TMEM117: variants seen among roughly 807,000 people sequenced by gnomAD.
TMEM117 encodes the protein transmembrane protein 117.
In TMEM117, 27 loss-of-function variants were observed where a neutral mutation model predicts 52.4. The ratio of observed to expected loss-of-function variants is 0.51; its 90% CI spans 0.38 to 0.71. TMEM117 has a LOEUF of 0.71. Ranked by LOEUF, TMEM117 falls within the 30% of genes least tolerant of loss-of-function variation. The pLI is 0.00. For synonymous variants in TMEM117, 215 were observed against 206.3 expected, an observed-to-expected ratio of 1.04 and a Z score of -0.36; for missense variants, 556 against 630.5, an observed-to-expected ratio of 0.88 and a Z score of 1.26.
At chr12:43,829,598 A>G in the TMEM117 span, among the ~76,000 whole-genome samples, 1 of 152,218 alleles carries the variant, frequency 6.6e-6, no homozygotes, top group Non-Finnish European at 1.5e-5. Context: ...AAAAGTTTTG[A>G]AGAAAGAAAA....
At chr12:44,311,759 A>ATATATATATG in intron 6 of TMEM117, among the ~76,000 whole-genome samples, 1 of 116,542 alleles carries the variant, frequency 8.6e-6, no homozygotes, top group East Asian at 2.0e-4. Context: ...GTATATATGT[A>ATATATATATG]TATATATATG....
chr12:44,129,795 A>C (rs1948385803), intron 3 of TMEM117, among the ~76,000 whole-genome samples: 1 of 152,230 alleles, frequency 6.6e-6, no homozygotes, highest in Non-Finnish European at 1.5e-5. Flanking sequence ...CAACTTATGG[A>C]AGAAACTGAA....
At chr12:43,874,758 T>C (rs1478870096) in intron 2 of TMEM117, among the ~76,000 whole-genome samples, 5 of 152,232 alleles carry the variant, frequency 3.3e-5, no homozygotes, top group Admixed American at 2.6e-4. Flanking sequence ...CCTTTGTCAG[T>C]ATAGCACAGA....
Position 44,388,213 on chromosome 12 carries a change from G to A in TMEM117, c.1086G>A (p.Arg362=), listed in dbSNP as rs746036224. 6.2e-7 allele frequency: 1 copy of A among 1,613,466 alleles called. No individual in the cohort carries two copies. Among genetic ancestry groups the A allele is most frequent in the Non-Finnish European group, 8.5e-7 (1 of 1,179,618 alleles). Residue 362 remains arginine, a synonymous_variant, in exon 8 of 8, where the codon AGG becomes AGA. Coordinates refer to ENST00000266534, the MANE Select transcript of TMEM117 (RefSeq NM_032256.3). ...GAACCAAGCTATCCTGGGAATGGAGGTCCAATCACACTAACCCTCGGACTA... is the reference window on the plus strand; with the variant it reads ...GAACCAAGCTATCCTGGGAATGGAGATCCAATCACACTAACCCTCGGACTA... ...LNRTKLSWEW[R]SNHTNPRTNK... is the part of the protein sequence containing the mutation.
intron 3 of TMEM117, among the ~76,000 whole-genome samples, chr12:44,010,514 A>G (rs916230857): frequency 6.6e-6 from 1 of 151,418 alleles, no homozygotes; most frequent in Non-Finnish European, 1.5e-5. Context: ...CAGATTCACT[A>G]TTCCTCGGTC....
intron 3 of TMEM117, among the ~76,000 whole-genome samples, chr12:43,987,224 A>G (rs1592417505): frequency 6.6e-6 from 1 of 152,306 alleles, no homozygotes; most frequent in South Asian, 2.1e-4. Flanking sequence ...TCTGCCAGTC[A>G]AGGAGAGAGC....
At chr12:43,857,669 G>A (rs577670065) in intron 2 of TMEM117, among the ~76,000 whole-genome samples, 1 of 152,298 alleles carries the variant, frequency 6.6e-6, no homozygotes, top group East Asian at 1.9e-4. Flanking sequence ...AAATAAAGGG[G>A]TAATCAGTCC....
chr12:44,071,250 G>A (rs1484316187), intron 3 of TMEM117, among the ~76,000 whole-genome samples: 1 of 152,108 alleles, frequency 6.6e-6, no homozygotes, highest in Non-Finnish European at 1.5e-5. Context: ...CTGCCTGAGT[G>A]GATGCAGCTG....
Position 44,296,783 on chromosome 12 carries a change from A to G in TMEM117, c.609-2797A>G, listed in dbSNP as rs570935273. 3.9e-5 allele frequency among the ~76,000 whole-genome samples: 6 copies of G among 152,274 alleles called. No individual in the cohort carries two copies. In the South Asian group the frequency reaches 1.2e-3, roughly 32 times the overall value. ...TTTATGGTCGACAGCTAGGGCTGAG[A>G]TCAGCCGGTCTGTTGTACAAAGTGC... On this transcript the variant is annotated intron_variant, in intron 5 of 7. Transcript: ENST00000266534.
At chr12:44,188,562 G>T (rs576263459) in intron 4 of TMEM117, among the ~76,000 whole-genome samples, 1 of 151,970 alleles carries the variant, frequency 6.6e-6, no homozygotes, top group Non-Finnish European at 1.5e-5. Flanking sequence ...GATAATCAAC[G>T]CACTTTAGTA....
chr12:44,216,718 G>A (rs935433082), intron 5 of TMEM117, among the ~76,000 whole-genome samples: 3 of 152,186 alleles, frequency 2.0e-5, no homozygotes, highest in South Asian at 2.1e-4. Flanking sequence ...TGACTTGGAA[G>A]CTCCAGGAGA....
At chr12:43,801,620 A>G in the TMEM117 span, among the ~76,000 whole-genome samples, 16 of 152,310 alleles carry the variant, frequency 1.1e-4, no homozygotes, top group Admixed American at 7.8e-4. Flanking sequence ...AATGTATGAT[A>G]ATACTAACAA....
intron 6 of TMEM117, among the ~76,000 whole-genome samples, chr12:44,344,086 G>T (rs1322490193): frequency 6.6e-6 from 1 of 152,136 alleles, no homozygotes; most frequent in Non-Finnish European, 1.5e-5. Flanking sequence ...TTAAATTGTT[G>T]AGAAATAAGT....
chr12:44,013,729 T>C (rs1013656856), intron 3 of TMEM117, among the ~76,000 whole-genome samples: 7 of 151,882 alleles, frequency 4.6e-5, no homozygotes, highest in African/African-American at 1.7e-4. Flanking sequence ...GCAGCTCAGA[T>C]TTATGTACCT....
At chr12:43,820,440 A>AT in the TMEM117 span, among the ~76,000 whole-genome samples, 1 of 151,684 alleles carries the variant, frequency 6.6e-6, no homozygotes, top group Admixed American at 6.6e-5. Context: ...CGCCCGGCTA[A>AT]TTTTTTGTAT....
chr12:43,999,168 A>G (rs1044590819), intron 3 of TMEM117, among the ~76,000 whole-genome samples: 1 of 152,204 alleles, frequency 6.6e-6, no homozygotes, highest in African/African-American at 2.4e-5. Flanking sequence ...TTCCGCTCCT[A>G]GAATGCTAGA....
At chr12:44,121,392 C>A (rs1223858559) in intron 3 of TMEM117, among the ~76,000 whole-genome samples, 1 of 152,140 alleles carries the variant, frequency 6.6e-6, no homozygotes, top group East Asian at 1.9e-4. Flanking sequence ...CCTGTGCCAC[C>A]CCTGATACTG....
At chr12:44,103,323 G>A (rs1023228269) in intron 3 of TMEM117, among the ~76,000 whole-genome samples, 16 of 151,304 alleles carry the variant, frequency 1.1e-4, no homozygotes, top group African/African-American at 3.2e-4. Flanking sequence ...GTATTGTAAT[G>A]AAGTCTGAGG....
chr12:43,823,940 G>GT, the TMEM117 span, among the ~76,000 whole-genome samples: 317 of 152,214 alleles, frequency 2.1e-3, 2 homozygotes, highest in African/African-American at 6.9e-3. Flanking sequence ...CAGCTTAATA[G>GT]TTTTAACAAT....
Sources: gnomAD v4.1 joint callset for allele counts (sites outside exome capture counted in the v4.1 genomes callset) on GRCh38, gnomAD v4.1.1 for gene constraint, MANE v1.5 for transcripts, NCBI Gene and HGNC (gene_info 2026-07-23, HGNC 2026-07-21) for gene names.